COPB2: variants seen among roughly 807,000 people sequenced by gnomAD.
COPB2 encodes coatomer subunit beta'.
COPB2 carries 16 observed loss-of-function variants against 120.8 expected under a neutral mutation model. The observed-to-expected ratio is 0.13, with a 90% CI of 0.09 to 0.20. COPB2 has a LOEUF of 0.20. COPB2 is among the 10% of genes least tolerant of loss of function. COPB2 has a pLI of 1.00. For missense variants in COPB2, 794 were observed against 1,076.5 expected, an observed-to-expected ratio of 0.74 and a Z score of 3.67; for synonymous variants, 332 against 366.3, an observed-to-expected ratio of 0.91 and a Z score of 1.07.
At chr3:139,378,690 G>A (rs976660378) in intron 4 of COPB2, among the ~76,000 whole-genome samples, 2 of 152,160 alleles carry the variant, frequency 1.3e-5, no homozygotes, top group Non-Finnish European at 2.9e-5. Flanking sequence ...ACAATACCAA[G>A]GAGCAAACTA....
In COPB2 at chr3:139,358,744, C is replaced by T; in HGVS notation, c.2553G>A (p.Gln851=). The change falls in exon 20 of 22, where the codon CAG becomes CAA. Residue 851 remains glutamine, a splice_region_variant and synonymous_variant. Transcript: ENST00000333188. ...TTATCACATGAAGTGCTCTACTGAC[C>T]TGTTGAGCTGTAGATCTTGAGGGCT... ...DFQPSRSTAQ[Q]ELDGKPASPT... 1 of 1,605,350 alleles carries T rather than the reference C, an allele frequency of 6.2e-7. No homozygotes were observed. The highest frequency in any genetic ancestry group is 8.5e-7 in the Non-Finnish European group (1 of 1,172,282).
At position 139,374,539 on chromosome 3, in the gene COPB2, C is replaced by G; in HGVS notation, c.701G>C (p.Cys234Ser). ...TLEGHAQNVS[C>S]ASFHPELPII... ...TGGCAACTCAGGATGAAAGCTGGCA[C>G]AAGACACATTTTGGGCATGTCCTTC... Residue 234 changes from cysteine (C) to serine (S), a missense_variant, in exon 7 of 22, where the codon TGT (cysteine) becomes TCT (serine). By Grantham distance (112) the Cys-to-Ser change is moderately radical. Transcript: ENST00000333188. 6.2e-7 allele frequency: 1 copy of G among 1,613,988 alleles called. No individual in the cohort carries two copies. The highest frequency in any genetic ancestry group is 1.1e-5 in the South Asian group (1 of 91,076).
chr3:139,378,986 TCAGTGAATGAAAATGAATTACC>T, intron 4 of COPB2, 39 bp downstream of exon 4: 1 of 1,486,272 alleles, frequency 6.7e-7, no homozygotes, highest in Non-Finnish European at 9.0e-7. Flanking sequence ...ATAGCATGTC[TCAGTGAATGAAAATGAATTACC>T]CAAAGAGACG....
chr3:139,388,398 T>C (rs1181229872), intron 1 of COPB2: 1 of 125,308 alleles, frequency 8.0e-6, no homozygotes, highest in Non-Finnish European at 1.7e-5. Flanking sequence ...AGAAGGTCCA[T>C]GGATTGTGGG....
At chr3:139,374,933 A>T (rs1941688455) in intron 6 of COPB2, among the ~76,000 whole-genome samples, 1 of 152,236 alleles carries the variant, frequency 6.6e-6, no homozygotes, top group Non-Finnish European at 1.5e-5. Context: ...GTGCTGCTTT[A>T]GCCTTTAATA....
At position 139,377,697 on chromosome 3, in the gene COPB2, C is replaced by T. The variant is rs183371919; in HGVS notation, c.504+344G>A. 2.5e-3 allele frequency among the ~76,000 whole-genome samples: 386 copies of T among 152,188 alleles called. 2 individuals carry two copies. The highest frequency in any genetic ancestry group is 6.8e-3 in the Middle Eastern group (2 of 294). ...GGAATTTAAATGTAAAATAGATAAA[C>T]GATGAGCAGAAGTCAACAATGAATA... On this transcript the variant is annotated intron_variant, in intron 5 of 21. Coordinates refer to ENST00000333188, the MANE Select transcript of COPB2 (RefSeq NM_004766.3).
At chr3:139,373,561 G>T in intron 8 of COPB2, 105 bp downstream of exon 8, 1 of 1,543,824 alleles carries the variant, frequency 6.5e-7, no homozygotes. Context: ...CTTAATGAAA[G>T]AAGTGCCAGT....
At chr3:139,374,316 T>C (rs1488951510) in intron 7 of COPB2, 173 bp downstream of exon 7, 1 of 563,838 alleles carries the variant, frequency 1.8e-6, no homozygotes, top group African/African-American at 2.0e-5. Context: ...ATGATGATGA[T>C]GATGATGATG....
chr3:139,385,704 A>G (rs1216515021), intron 1 of COPB2, among the ~76,000 whole-genome samples: 1 of 152,222 alleles, frequency 6.6e-6, no homozygotes. Flanking sequence ...TTCAAGCCAA[A>G]TTCTTCCTTT....
chr3:139,370,545 A>G (rs1157747911), intron 10 of COPB2, among the ~76,000 whole-genome samples: 1 of 152,246 alleles, frequency 6.6e-6, no homozygotes, highest in African/African-American at 2.4e-5. Context: ...TCTTCTGTAA[A>G]TTATACCTCA....
chr3:139,375,824 T>G (rs190130108), intron 5 of COPB2, among the ~76,000 whole-genome samples: 1 of 152,332 alleles, frequency 6.6e-6, no homozygotes, highest in East Asian at 1.9e-4. Flanking sequence ...TTAAAAGAAG[T>G]GCCAATTTCC....
intron 1 of COPB2, among the ~76,000 whole-genome samples, chr3:139,384,111 G>A (rs1560022235): frequency 6.6e-6 from 1 of 152,172 alleles, no homozygotes; most frequent in Non-Finnish European, 1.5e-5. Context: ...AGAAGTGGTA[G>A]TTTCTTAAAG....
rs930334477 is a variant in COPB2 at position 139,373,269 on chromosome 3, C to T, written c.1038G>A (p.Lys346=). The change falls in exon 9 of 22, where the codon AAG becomes AAA. Residue 346 remains lysine, a synonymous_variant. Coordinates refer to ENST00000333188, the MANE Select transcript of COPB2 (RefSeq NM_004766.3). ...GGTATATTTCACAACTGCCCATATCCTTTACTGCCAGTGGCAATCTTTCAC... is the reference window on the plus strand; with the variant it reads ...GGTATATTTCACAACTGCCCATATCTTTTACTGCCAGTGGCAATCTTTCAC... The part of the protein sequence containing the change: ...KDGERLPLAV[K]DMGSCEIYPQ... 1 of 1,614,156 alleles carries T rather than the reference C, an allele frequency of 6.2e-7. No individual in the cohort carries two copies. Among genetic ancestry groups the T allele is most frequent in the Non-Finnish European group, 8.5e-7 (1 of 1,180,012 alleles).
intron 15 of COPB2, among the ~76,000 whole-genome samples, chr3:139,365,225 T>C (rs1299479360): frequency 6.6e-6 from 1 of 152,154 alleles, no homozygotes; most frequent in Non-Finnish European, 1.5e-5. Context: ...AGGCCTACCA[T>C]GATTATAACA....
At chr3:139,369,178 C>T in intron 12 of COPB2, 83 bp downstream of exon 12, 2 of 1,016,842 alleles carry the variant, frequency 2.0e-6, no homozygotes, top group Non-Finnish European at 2.9e-6. Context: ...GAGCAGGGTA[C>T]AAAAGACACT....
intron 2 of COPB2, chr3:139,382,483 C>T (rs1193489776): frequency 6.6e-6 from 1 of 152,244 alleles, no homozygotes; most frequent in Non-Finnish European, 1.5e-5. Flanking sequence ...TGAGAACAGA[C>T]TAATACAGGG....
rs749180819 is a variant in COPB2, at chr3:139,383,365, G to C, written c.74C>G (p.Pro25Arg). Residue 25 changes from proline to arginine, a missense_variant, in exon 2 of 22, where the codon CCT becomes CGT. This residue lies in a region of COPB2 where 610 missense variants were observed against 866.7 expected (regional missense o/e 0.70). Transcript: ENST00000333188. Reference sequence around the variant, plus strand: ...ACTTGCCAACATCCATGGCTCTGTAGGATGCAGATCCACACTCTTAACTCG... The same window carrying C: ...ACTTGCCAACATCCATGGCTCTGTACGATGCAGATCCACACTCTTAACTCG... ...SDRVKSVDLH[P>R]TEPWMLASLY... The C allele has an allele frequency of 6.2e-7, 1 of 1,612,962 alleles. No individual in the cohort carries two copies. Among genetic ancestry groups the C allele is most frequent in the Admixed American group, 1.7e-5 (1 of 59,906 alleles).
At chr3:139,358,458 C>T (rs1021142874) in intron 20 of COPB2, 187 bp from the exon 21 acceptor site, 5 of 620,058 alleles carry the variant, frequency 8.1e-6, no homozygotes, top group Non-Finnish European at 1.4e-5. Context: ...GCAGGTGGAT[C>T]ATGAGGTCAG....
At chr3:139,363,111 T>C (rs1177725987) in intron 15 of COPB2, among the ~76,000 whole-genome samples, 1 of 152,232 alleles carries the variant, frequency 6.6e-6, no homozygotes, top group Non-Finnish European at 1.5e-5. Context: ...TCATTACCTA[T>C]TCCTTTATTG....
Sources: allele counts gnomAD v4.1 joint callset (sites outside exome capture counted in the v4.1 genomes callset), GRCh38; gene constraint gnomAD v4.1.1; regional missense constraint gnomAD v4.1.1; transcripts MANE v1.5; gene names NCBI Gene and HGNC (gene_info 2026-07-23, HGNC 2026-07-21).